CEPT1: variants seen among roughly 807,000 people sequenced by gnomAD.
CEPT1 encodes choline/ethanolamine phosphotransferase 1.
A neutral mutation model predicts 42.6 loss-of-function variants in CEPT1; 7 were observed. The ratio of observed to expected loss-of-function variants is 0.16; its 90% CI spans 0.09 to 0.31. The LOEUF is 0.31. CEPT1 is among the 10% of genes least tolerant of loss of function. The probability of loss-of-function intolerance (pLI) is 1.00; values close to 1 mark genes in which losing one functional copy is unlikely to be tolerated. For missense variants in CEPT1, 306 were observed against 502.1 expected, an observed-to-expected ratio of 0.61 and a Z score of 3.73; for synonymous variants, 171 against 171.9, an observed-to-expected ratio of 0.99 and a Z score of 0.04.
At chr1:111,183,062 C>A in intron 7 of CEPT1, 105 bp downstream of exon 7, 1 of 1,145,330 alleles carries the variant, frequency 8.7e-7, no homozygotes, top group Non-Finnish European at 1.2e-6. Flanking sequence ...CTAGAGTTTG[C>A]CCTCTTCTAA....
At chr1:111,161,409 T>C in intron 4 of CEPT1, 113 bp downstream of exon 4, 1 of 1,008,584 alleles carries the variant, frequency 9.9e-7, no homozygotes, top group East Asian at 2.6e-5. Flanking sequence ...TTTAATAAAT[T>C]AAAAAATTTA....
chr1:111,173,799 A>G (rs1048947910), intron 4 of CEPT1, among the ~76,000 whole-genome samples: 1 of 152,182 alleles, frequency 6.6e-6, no homozygotes, highest in African/African-American at 2.4e-5. Context: ...TACACAAAAA[A>G]TAGCCTGTAC....
At chr1:111,160,851 G>C (rs1571134037) in intron 3 of CEPT1, 2 of 333,340 alleles carry the variant, frequency 6.0e-6, no homozygotes, top group East Asian at 1.5e-4. Flanking sequence ...GTAATGATTT[G>C]CTGATCATTA....
intron 7 of CEPT1, 121 bp downstream of exon 7, chr1:111,183,078 A>G (rs1657070918): frequency 1.1e-6 from 1 of 910,024 alleles, no homozygotes; most frequent in East Asian, 2.5e-5. Context: ...TCTAATCAGA[A>G]TCTCTTGATA....
At chr1:111,146,727 G>A (rs959739527) in intron 1 of CEPT1, among the ~76,000 whole-genome samples, 5 of 151,854 alleles carry the variant, frequency 3.3e-5, no homozygotes, top group African/African-American at 1.2e-4. Flanking sequence ...TTTTCTAAAT[G>A]AAATACAAAT....
intron 2 of CEPT1, among the ~76,000 whole-genome samples, chr1:111,159,023 CCTG>C (rs1445409731): frequency 6.9e-6 from 1 of 143,974 alleles, no homozygotes; most frequent in Non-Finnish European, 1.5e-5. Flanking sequence ...ACGCCATTCT[CCTG>C]CCTCAGCCTC....
At chr1:111,175,060 A>G (rs112935180) in intron 5 of CEPT1, 97 bp downstream of exon 5, 3 of 795,382 alleles carry the variant, frequency 3.8e-6, no homozygotes, top group Non-Finnish European at 6.6e-6. Flanking sequence ...AATGTGTGAA[A>G]TTCTTTTATT....
chr1:111,142,760 TGTAGA>T (rs1654728216), intron 1 of CEPT1, among the ~76,000 whole-genome samples: 1 of 152,192 alleles, frequency 6.6e-6, no homozygotes, highest in South Asian at 2.1e-4. Context: ...CCCATGCACT[TGTAGA>T]GTATACACAA....
chr1:111,148,082 T>C, intron 2 of CEPT1, 29 bp downstream of exon 2: 1 of 1,554,592 alleles, frequency 6.4e-7, no homozygotes, highest in African/African-American at 1.4e-5. Context: ...ATCTCAACAT[T>C]TGCTATATAC....
At chr1:111,144,406 A>G (rs566655689) in intron 1 of CEPT1, among the ~76,000 whole-genome samples, 28 of 152,354 alleles carry the variant, frequency 1.8e-4, no homozygotes, top group East Asian at 7.7e-4. Context: ...TGTTGCTGCA[A>G]TGTTGGCAAA....
At chr1:111,165,176 G>A (rs1206248988) in intron 4 of CEPT1, among the ~76,000 whole-genome samples, 1 of 148,734 alleles carries the variant, frequency 6.7e-6, no homozygotes, top group Non-Finnish European at 1.5e-5. Context: ...CAGCCTCTGA[G>A]TAGCTGGGAC....
At chr1:111,170,114 T>TTA (rs530681245) in intron 4 of CEPT1, among the ~76,000 whole-genome samples, 1,766 of 152,308 alleles carry the variant, frequency 0.012, 14 homozygotes, top group Non-Finnish European at 0.016. Context: ...ATTGTGCCAG[T>TTA]TAGAGAGGAA....
At chr1:111,148,389 A>AT (rs1557922266) in intron 2 of CEPT1, among the ~76,000 whole-genome samples, 2 of 151,894 alleles carry the variant, frequency 1.3e-5, no homozygotes, top group Non-Finnish European at 2.9e-5. Context: ...AAAAAAAAAA[A>AT]CAGTGAGAAA....
Position 111,165,113 on chromosome 1 carries a change from G to A in CEPT1, c.629+3817G>A, listed in dbSNP as rs149364733. 7.1e-3 allele frequency among the ~76,000 whole-genome samples: 924 copies of A among 129,892 alleles called. 10 individuals carry two copies. Among genetic ancestry groups the A allele is most frequent in the African/African-American group, 0.024 (819 of 33,700 alleles). 85.2% of individuals were successfully genotyped at this position (129,892 alleles called of 152,430 possible). ...CGCCCAGGCTAGAGTGCAGTGGTGCGATCTCGACTCACTGCAACCTCCGCC... is the reference window on the plus strand; with the variant it reads ...CGCCCAGGCTAGAGTGCAGTGGTGCAATCTCGACTCACTGCAACCTCCGCC... On this transcript the variant is annotated intron_variant, in intron 4 of 8. Coordinates refer to ENST00000357172, the MANE Select transcript of CEPT1 (RefSeq NM_006090.5).
At chr1:111,147,004 C>A (rs772187293) in intron 1 of CEPT1, among the ~76,000 whole-genome samples, 1 of 151,860 alleles carries the variant, frequency 6.6e-6, no homozygotes, top group African/African-American at 2.4e-5. Flanking sequence ...AAACAGAAAA[C>A]CTGTGTTTGT....
intron 4 of CEPT1, chr1:111,167,851 AT>A (rs1656212687): frequency 8.6e-6 from 6 of 701,036 alleles, no homozygotes; most frequent in Non-Finnish European, 1.0e-5. Flanking sequence ...CAGTAAATAC[AT>A]ATTTCTCTAA....
intron 1 of CEPT1, among the ~76,000 whole-genome samples, chr1:111,144,693 T>C (rs1001064645): frequency 4.6e-5 from 7 of 152,190 alleles, no homozygotes; most frequent in Non-Finnish European, 1.0e-4. Flanking sequence ...AGTAAGAGAA[T>C]AGAATACTGC....
intron 5 of CEPT1, among the ~76,000 whole-genome samples, chr1:111,176,688 A>G (rs2101385516): frequency 6.6e-6 from 1 of 152,320 alleles, no homozygotes; most frequent in Middle Eastern, 3.4e-3. Flanking sequence ...TGAGATACCA[A>G]GTCCAAATAT....
intron 4 of CEPT1, among the ~76,000 whole-genome samples, chr1:111,172,286 G>A (rs1459721143): frequency 6.6e-6 from 1 of 152,032 alleles, no homozygotes; most frequent in Non-Finnish European, 1.5e-5. Context: ...TTTTTTCTTG[G>A]TGTGGTAGTA....
Sources: gnomAD v4.1 joint callset for allele counts (sites outside exome capture counted in the v4.1 genomes callset) on GRCh38, gnomAD v4.1.1 for gene constraint, MANE v1.5 for transcripts, NCBI Gene and HGNC (gene_info 2026-07-23, HGNC 2026-07-21) for gene names.